Variants in DR1 observed in about 807,000 individuals in gnomAD.
DR1 encodes protein Dr1.
A neutral mutation model predicts 19.9 loss-of-function variants in DR1; 7 were observed. The ratio of observed to expected loss-of-function variants is 0.35; its 90% CI spans 0.20 to 0.66. The LOEUF is 0.66. DR1 is among the 30% of genes least tolerant of loss of function. The probability of loss-of-function intolerance (pLI) is 0.66; values close to 1 mark genes in which losing one functional copy is unlikely to be tolerated. For missense variants in DR1, 98 were observed against 203.7 expected (o/e 0.48, Z 3.16); for synonymous variants, 76 against 72.5 (o/e 1.05, Z -0.24).
In DR1 at chr1:93,366,421, A is replaced by G. The variant is rs1370534038; in HGVS notation, c.*5782A>G. On this transcript the variant is annotated 3_prime_UTR_variant, in exon 3 of 3. Coordinates refer to ENST00000370272, the MANE Select transcript of DR1 (RefSeq NM_001938.3). Reference sequence around the variant, plus strand: ...TATTTTTGAGTGCACAGATCTGTATATTCGCAATTGAAATAGGGAAAGTCT... The same window carrying G: ...TATTTTTGAGTGCACAGATCTGTATGTTCGCAATTGAAATAGGGAAAGTCT... 2.0e-5 allele frequency: 3 copies of G among 152,236 alleles called. No homozygotes were observed. Among genetic ancestry groups the G allele is most frequent in the African/African-American group, 4.8e-5 (2 of 41,456 alleles). 9.4% of individuals were successfully genotyped at this position (152,236 alleles called of 1,614,324 possible).
intron 1 of DR1, among the ~76,000 whole-genome samples, chr1:93,352,057 T>C (rs766094016): frequency 1.9e-4 from 28 of 151,160 alleles, no homozygotes; most frequent in Admixed American, 3.3e-4. Context: ...AATAACAATA[T>C]GATATTTATT....
rs1389038762 is a variant in DR1, at chr1:93,366,189, A to G, written c.*5550A>G. On this transcript the variant is annotated 3_prime_UTR_variant, in exon 3 of 3. Transcript: ENST00000370272. ...ATTCATTCTTATTTCATTTACCATA[A>G]TGTCTTCAAAGTTCATTCATGTTGT... is the stretch of plus-strand genomic sequence containing the variant. The G allele has an allele frequency of 6.6e-6, 1 of 152,182 alleles. No individual in the cohort carries two copies. The highest frequency in any genetic ancestry group is 2.4e-5 in the African/African-American group (1 of 41,430). 9.4% of individuals were successfully genotyped at this position (152,182 alleles called of 1,614,324 possible).
intron 2 of DR1, among the ~76,000 whole-genome samples, chr1:93,358,457 G>T (rs899139070): frequency 2.0e-5 from 3 of 152,176 alleles, no homozygotes; most frequent in African/African-American, 7.2e-5. Context: ...TCCTGTAGCA[G>T]AGACTGAACG....
chr1:93,350,519 A>G (rs552547462), intron 1 of DR1, among the ~76,000 whole-genome samples: 12 of 152,350 alleles, frequency 7.9e-5, no homozygotes, highest in Non-Finnish European at 1.5e-4. Flanking sequence ...AACATGTTTT[A>G]TGCATATGAA....
chr1:93,346,398 G>A lies in DR1; in HGVS notation c.-248G>A. 1 of 517,578 alleles carries A rather than the reference G, an allele frequency of 1.9e-6. No individual in the cohort carries two copies. Among genetic ancestry groups the A allele is most frequent in the Non-Finnish European group, 3.5e-6 (1 of 285,986 alleles). The allele number at this position is 517,578 out of a possible 1,614,324, so 32.1% of individuals were successfully genotyped here. A position where few individuals can be genotyped will look rare whatever the true frequency, so the allele number is the denominator to read the frequency against. On this transcript the variant is annotated 5_prime_UTR_variant, in exon 1 of 3. Coordinates refer to ENST00000370272, the MANE Select transcript of DR1 (RefSeq NM_001938.3). ...GGACCACCGCGCTTTCCCCTCCTCA[G>A]CCTGGGCTGTGCTCTCTCTAGAATC...
At chr1:93,349,346 A>C (rs1445372819) in intron 1 of DR1, among the ~76,000 whole-genome samples, 1 of 152,048 alleles carries the variant, frequency 6.6e-6, no homozygotes, top group Non-Finnish European at 1.5e-5. Flanking sequence ...GAATAGAGGG[A>C]GTTCTAAGCT....
rs1279569666 is a variant in DR1 at position 93,365,736 on chromosome 1, A to C, written c.*5097A>C. On this transcript the variant is annotated 3_prime_UTR_variant, in exon 3 of 3. Coordinates refer to ENST00000370272, the MANE Select transcript of DR1 (RefSeq NM_001938.3). ...TAAAATATGTTTCCAAGAAAGTCAA[A>C]TCTTACAGGAGACTCTTGACTTCAC... The C allele has an allele frequency of 2.6e-5, 4 of 152,186 alleles. No individual in the cohort carries two copies. The highest frequency in any genetic ancestry group is 5.9e-5 in the Non-Finnish European group (4 of 68,034). The allele number at this position is 152,186 out of a possible 1,614,324, so 9.4% of individuals were successfully genotyped here. A position where few individuals can be genotyped will look rare whatever the true frequency, so the allele number is the denominator to read the frequency against.
Position 93,368,442 on chromosome 1 carries a change from G to C in DR1, c.*7803G>C, listed in dbSNP as rs1418041119. 1 of 152,172 alleles carries C rather than the reference G, an allele frequency of 6.6e-6. No individual in the cohort carries two copies. 9.4% of individuals were successfully genotyped at this position (152,172 alleles called of 1,614,324 possible). A position where few individuals can be genotyped will look rare whatever the true frequency, so the allele number is the denominator to read the frequency against. On this transcript the variant is annotated 3_prime_UTR_variant, in exon 3 of 3. Transcript: ENST00000370272. ...ATTAGGAATTGGGAGTGGAAGGAGA[G>C]AGATAGTATTAGAAAGTATGTATGC...
At chr1:93,357,518 A>AAAT in intron 2 of DR1, among the ~76,000 whole-genome samples, 1 of 149,224 alleles carries the variant, frequency 6.7e-6, no homozygotes, top group East Asian at 2.0e-4. Context: ...CCCCATCTCT[A>AAAT]AAATAAATAA....
chr1:93,362,588 A>T lies in DR1; in HGVS notation c.*1949A>T, dbSNP rs559378256. 14 of 152,344 alleles carry T rather than the reference A, an allele frequency of 9.2e-5. No individual in the cohort carries two copies. Among genetic ancestry groups the T allele is most frequent in the Admixed American group, 3.3e-4 (5 of 15,288 alleles). The allele number at this position is 152,344 out of a possible 1,614,324, so 9.4% of individuals were successfully genotyped here. On this transcript the variant is annotated 3_prime_UTR_variant, in exon 3 of 3. Transcript: ENST00000370272. ...AAGCAATAAAATTGTGATGTGTTTTATAAATGGTTTTTATATTTAATGTTC... is the reference window on the plus strand; with the variant it reads ...AAGCAATAAAATTGTGATGTGTTTTTTAAATGGTTTTTATATTTAATGTTC...
rs913849219 is a variant in DR1 at position 93,368,843 on chromosome 1, A to C, written c.*8204A>C. On this transcript the variant is annotated 3_prime_UTR_variant, in exon 3 of 3. Coordinates refer to ENST00000370272, the MANE Select transcript of DR1 (RefSeq NM_001938.3). ...AATTTCGTCTGTCTTTATTATAAAC[A>C]TGTTGTAAGTGAGGAAACTAAGATT... 2 of 152,168 alleles carry C rather than the reference A, an allele frequency of 1.3e-5. No homozygotes were observed. Among genetic ancestry groups the C allele is most frequent in the Non-Finnish European group, 2.9e-5 (2 of 68,018 alleles). The allele number at this position is 152,168 out of a possible 1,614,324, so 9.4% of individuals were successfully genotyped here. A position where few individuals can be genotyped will look rare whatever the true frequency, so the allele number is the denominator to read the frequency against.
chr1:93,357,683 A>C (rs562760612), intron 2 of DR1, among the ~76,000 whole-genome samples: 1 of 152,122 alleles, frequency 6.6e-6, no homozygotes, highest in Non-Finnish European at 1.5e-5. Flanking sequence ...TTTTTTAAAA[A>C]TAACATTTAA....
rs1431788784 is a variant in DR1 at position 93,369,396 on chromosome 1, C to T, written c.*8757C>T. The stretch of plus-strand genomic sequence containing the variant: ...AAGGAAGCAGAGGTAATGTCTGTTA[C>T]TATTTTCAGCTCCCTTTTTCTGTCC... On this transcript the variant is annotated 3_prime_UTR_variant, in exon 3 of 3. Transcript: ENST00000370272. The T allele has an allele frequency of 1.3e-5, 2 of 152,184 alleles. No homozygotes were observed. Among genetic ancestry groups the T allele is most frequent in the Non-Finnish European group, 2.9e-5 (2 of 68,022 alleles). 9.4% of individuals were successfully genotyped at this position (152,184 alleles called of 1,614,324 possible).
Position 93,360,758 on chromosome 1 carries a change from C to G in DR1, c.*119C>G, listed in dbSNP as rs1474541581. ...TCTTGGTGGACTTGTCATTGGTATT[C>G]TAGGGATGTCTGCTATTAAGTTTCA... On this transcript the variant is annotated 3_prime_UTR_variant, in exon 3 of 3. Coordinates refer to ENST00000370272, the MANE Select transcript of DR1 (RefSeq NM_001938.3). The G allele has an allele frequency of 7.4e-6, 8 of 1,085,732 alleles. No homozygotes were observed. Among genetic ancestry groups the G allele is most frequent in the Non-Finnish European group, 1.0e-5 (8 of 768,874 alleles). 67.3% of individuals were successfully genotyped at this position (1,085,732 alleles called of 1,614,324 possible). A position where few individuals can be genotyped will look rare whatever the true frequency, so the allele number is the denominator to read the frequency against.
Position 93,346,774 on chromosome 1 carries a change from C to A in DR1, c.129C>A (p.Cys43Ter). The change falls in exon 1 of 3, where the codon TGC (cysteine) becomes TGA (stop). Residue 43 changes from cysteine (C) to a stop codon, truncating the protein, a stop_gained. Transcript: ENST00000370272. LOFTEE classifies it high-confidence loss of function. ...CTCGAGAGCTGGTGGTGAACTGCTG[C>A]ACTGAATTCATTCACCTTATATCTT... ...NDARELVVNC[C>*]TEFIHLISSE... is the part of the protein sequence containing the mutation. 1 of 1,614,192 alleles carries A rather than the reference C, an allele frequency of 6.2e-7. No homozygotes were observed. Among genetic ancestry groups the A allele is most frequent in the Non-Finnish European group, 8.5e-7 (1 of 1,180,038 alleles).
chr1:93,360,652 G>A lies in DR1; in HGVS notation c.*13G>A. ...TGATGATATCTGAAATTCACCAGCT[G>A]AGTTTCTATTTCTTCTATAAATGTT... On this transcript the variant is annotated 3_prime_UTR_variant, in exon 3 of 3. Transcript: ENST00000370272. 1 of 1,580,122 alleles carries A rather than the reference G, an allele frequency of 6.3e-7. No individual in the cohort carries two copies. The highest frequency in any genetic ancestry group is 8.6e-7 in the Non-Finnish European group (1 of 1,169,104).
rs780306994 is a variant in DR1 at position 93,368,896 on chromosome 1, T to G, written c.*8257T>G. 21 of 152,166 alleles carry G rather than the reference T, an allele frequency of 1.4e-4. No individual in the cohort carries two copies. Among genetic ancestry groups the G allele is most frequent in the Non-Finnish European group, 2.5e-4 (17 of 68,014 alleles). The allele number at this position is 152,166 out of a possible 1,614,324, so 9.4% of individuals were successfully genotyped here. On this transcript the variant is annotated 3_prime_UTR_variant, in exon 3 of 3. Transcript: ENST00000370272. ...AAGAAATTAAGTACTGTTGGCCCTCTGTGTCTGGGGGTTCCACATCTATAG... is the reference window on the plus strand; with the variant it reads ...AAGAAATTAAGTACTGTTGGCCCTCGGTGTCTGGGGGTTCCACATCTATAG...
intron 1 of DR1, among the ~76,000 whole-genome samples, chr1:93,350,765 C>T (rs938136358): frequency 6.6e-6 from 1 of 151,886 alleles, no homozygotes; most frequent in Admixed American, 6.6e-5. Flanking sequence ...TTGAGATACA[C>T]GGCATAGGGT....
intron 2 of DR1, among the ~76,000 whole-genome samples, chr1:93,356,493 A>G (rs967343268): frequency 5.9e-5 from 9 of 152,176 alleles, no homozygotes; most frequent in Non-Finnish European, 1.2e-4. Flanking sequence ...GCTAAAAGTC[A>G]ATTAAATTTG....
Sources: gnomAD v4.1 joint callset for allele counts (sites outside exome capture counted in the v4.1 genomes callset) on GRCh38, gnomAD v4.1.1 for gene constraint, MANE v1.5 for transcripts, NCBI Gene and HGNC (gene_info 2026-07-23, HGNC 2026-07-21) for gene names.